Variants in CCDC148 observed in about 807,000 individuals in gnomAD.
CCDC148 encodes coiled-coil domain-containing protein 148.
Under a neutral mutation model 85.7 loss-of-function variants are expected in CCDC148, and 89 were observed. The observed-to-expected ratio is 1.04, with a 90% CI of 0.87 to 1.24. The LOEUF is 1.24. Among genes scored for constraint, CCDC148 ranks in the 50% most tolerant of loss-of-function variants. The pLI is 0.00. For synonymous variants in CCDC148, 230 were observed against 213.9 expected, an observed-to-expected ratio of 1.08 and a Z score of -0.66; for missense variants, 692 against 671.7, an observed-to-expected ratio of 1.03 and a Z score of -0.33.
At chr2:158,195,792 T>G (rs1685642249) in intron 11 of CCDC148, among the ~76,000 whole-genome samples, 2 of 152,168 alleles carry the variant, frequency 1.3e-5, no homozygotes, top group Non-Finnish European at 2.9e-5. Flanking sequence ...CTTCAAAGTG[T>G]TCAGGATGCC....
At chr2:158,400,785 G>C (rs1196362973) in intron 1 of CCDC148, among the ~76,000 whole-genome samples, 1 of 152,196 alleles carries the variant, frequency 6.6e-6, no homozygotes, top group East Asian at 1.9e-4. Flanking sequence ...TACAGAATGG[G>C]AGAAAATTTT....
At chr2:158,362,608 C>T (rs781399747) in intron 1 of CCDC148, among the ~76,000 whole-genome samples, 3 of 152,160 alleles carry the variant, frequency 2.0e-5, no homozygotes, top group Non-Finnish European at 4.4e-5. Flanking sequence ...TAAAGATGTT[C>T]TTTGAAACCA....
intron 9 of CCDC148, among the ~76,000 whole-genome samples, chr2:158,302,788 A>AAG (rs1157960625): frequency 2.0e-5 from 3 of 152,046 alleles, no homozygotes; most frequent in Admixed American, 1.3e-4. Flanking sequence ...ATAAAAAAAA[A>AAG]AAAAAAAATT....
At chr2:158,426,125 A>G (rs1302556422) in intron 1 of CCDC148, among the ~76,000 whole-genome samples, 1 of 117,606 alleles carries the variant, frequency 8.5e-6, no homozygotes, top group East Asian at 2.4e-4. Context: ...TGTGGTAGGA[A>G]CTATAGTTTA....
intron 5 of CCDC148, among the ~76,000 whole-genome samples, chr2:158,339,896 T>G (rs577752826): frequency 6.6e-6 from 1 of 152,174 alleles, no homozygotes; most frequent in East Asian, 1.9e-4. Flanking sequence ...GAAGGACTTA[T>G]GTACTCACAG....
In CCDC148 at chr2:158,406,354, T is replaced by A. The variant is rs149508582; in HGVS notation, c.26-47784A>T. ...CAATGGAGAGAAATGGGCACTGATA[T>A]CCCAACTACATGGTGCTCGCTAGGC... On this transcript the variant is annotated intron_variant, in intron 1 of 13. Coordinates refer to ENST00000283233, the MANE Select transcript of CCDC148 (RefSeq NM_138803.4). Among the ~76,000 whole-genome samples the A allele has an allele frequency of 7.9e-5, 12 of 152,140 alleles. No homozygotes were observed. The East Asian group carries it at 2.1e-3, about 27-fold the overall frequency.
At chr2:158,187,469 C>A (rs1036718114) in intron 11 of CCDC148, among the ~76,000 whole-genome samples, 1 of 151,932 alleles carries the variant, frequency 6.6e-6, no homozygotes, top group Non-Finnish European at 1.5e-5. Context: ...GGAAGCCATA[C>A]TTTCTGTCTC....
chr2:158,342,022 TTTTC>T lies in CCDC148; in HGVS notation c.252-1346_252-1343del, dbSNP rs1199453611. On this transcript the variant is annotated intron_variant, in intron 3 of 13. Coordinates refer to ENST00000283233, the MANE Select transcript of CCDC148 (RefSeq NM_138803.4). Reference sequence around the variant, plus strand: ...ATTTTATGTACGTGTCATTATTTTCTTTTCTTTTTTTTTTTTTTTTTTTTTGAGA... The same window carrying T: ...ATTTTATGTACGTGTCATTATTTTCTTTTTTTTTTTTTTTTTTTTTTGAGA... Among the ~76,000 whole-genome samples, 247 of 87,626 alleles carry T rather than the reference TTTTC, an allele frequency of 2.8e-3. 2 individuals carry two copies. The highest frequency in any genetic ancestry group is 0.013 in the African/African-American group (194 of 14,406). The allele number at this position is 87,626 out of a possible 152,430, so 57.5% of individuals were successfully genotyped here. A position where few individuals can be genotyped will look rare whatever the true frequency, so the allele number is the denominator to read the frequency against.
chr2:158,267,608 T>C (rs1349585283), intron 9 of CCDC148, among the ~76,000 whole-genome samples: 2 of 152,212 alleles, frequency 1.3e-5, no homozygotes, highest in Admixed American at 6.5e-5. Context: ...TAAGTAACTA[T>C]GTCATTTTAA....
chr2:158,388,603 TCCTGC>T (rs1455847596), intron 1 of CCDC148, among the ~76,000 whole-genome samples: 2 of 152,134 alleles, frequency 1.3e-5, no homozygotes, highest in Non-Finnish European at 1.5e-5. Flanking sequence ...CAAGCGATTC[TCCTGC>T]CCCAGCCTCC....
chr2:158,354,487 A>G (rs1362699800), intron 2 of CCDC148, among the ~76,000 whole-genome samples: 1 of 151,956 alleles, frequency 6.6e-6, no homozygotes, highest in Non-Finnish European at 1.5e-5. Flanking sequence ...GAAGAAATGG[A>G]TAAATTCCTC....
intron 9 of CCDC148, among the ~76,000 whole-genome samples, chr2:158,275,224 T>C (rs1689875937): frequency 6.6e-6 from 1 of 152,244 alleles, no homozygotes; most frequent in South Asian, 2.1e-4. Flanking sequence ...ATGAGCTGTG[T>C]AACTTCTGGC....
intron 10 of CCDC148, among the ~76,000 whole-genome samples, chr2:158,238,581 G>T (rs1366229974): frequency 2.6e-5 from 4 of 152,034 alleles, no homozygotes; most frequent in African/African-American, 9.7e-5. Context: ...TATTATAATG[G>T]TCTGGTGTCC....
intron 3 of CCDC148, among the ~76,000 whole-genome samples, chr2:158,342,013 ATTATT>A (rs1225856464): frequency 1.9e-5 from 2 of 104,168 alleles, no homozygotes; most frequent in African/African-American, 7.7e-5. Flanking sequence ...TGTACGTGTC[ATTATT>A]TTCTTTTCTT....
chr2:158,421,893 A>T (rs1418781088), intron 1 of CCDC148, among the ~76,000 whole-genome samples: 1 of 151,630 alleles, frequency 6.6e-6, no homozygotes, highest in Non-Finnish European at 1.5e-5. Context: ...GCAATAAAAA[A>T]TGATAAAGGG....
intron 1 of CCDC148, among the ~76,000 whole-genome samples, chr2:158,432,143 CTAA>C (rs1687382754): frequency 6.6e-6 from 1 of 150,718 alleles, no homozygotes; most frequent in African/African-American, 2.4e-5. Flanking sequence ...AAAATTATAA[CTAA>C]TAATATCATA....
At chr2:158,347,292 G>A (rs1683041324) in intron 2 of CCDC148, among the ~76,000 whole-genome samples, 1 of 152,020 alleles carries the variant, frequency 6.6e-6, no homozygotes, top group Non-Finnish European at 1.5e-5. Flanking sequence ...AAAAATCAAT[G>A]CTCTCGCCTT....
At chr2:158,455,448 T>C (rs1037522906) in intron 1 of CCDC148, among the ~76,000 whole-genome samples, 2 of 152,162 alleles carry the variant, frequency 1.3e-5, no homozygotes, top group Admixed American at 1.3e-4. Context: ...ATCTTTGTAA[T>C]CTTCAATTAT....
chr2:158,216,491 G>T (rs1435211620), intron 11 of CCDC148, among the ~76,000 whole-genome samples: 3 of 149,184 alleles, frequency 2.0e-5, no homozygotes, highest in East Asian at 2.0e-4. Context: ...CCGCCTCCTG[G>T]GTTCAAGCAA....
Sources: allele counts gnomAD v4.1 joint callset (sites outside exome capture counted in the v4.1 genomes callset), GRCh38; gene constraint gnomAD v4.1.1; transcripts MANE v1.5; gene names NCBI Gene and HGNC (gene_info 2026-07-23, HGNC 2026-07-21).